The following KRT20 variants were observed in gnomAD, a reference collection of about 807,000 sequenced individuals.
KRT20 encodes the protein keratin, type I cytoskeletal 20.
Under a neutral mutation model 43.0 loss-of-function variants are expected in KRT20, and 41 were observed. That is an observed-to-expected ratio of 0.95 (90% CI 0.74 to 1.24). The LOEUF (loss-of-function observed/expected upper bound fraction) is 1.24, where lower values mean the gene tolerates loss of function less well. Ranked by LOEUF, KRT20 falls within the 50% of genes most tolerant of loss-of-function variation. The pLI is 0.00. For synonymous variants in KRT20, 207 were observed against 200.6 expected (o/e 1.03, Z -0.27); for missense variants, 533 against 521.2 (o/e 1.02, Z -0.22).
intron 2 of KRT20, among the ~76,000 whole-genome samples, chr17:40,881,423 T>C (rs1907592858): frequency 6.6e-6 from 1 of 152,068 alleles, no homozygotes. Context: ...TAATTTTTTT[T>C]GTATTTTTGT....
Position 40,880,611 on chromosome 17 carries a change from C to T in KRT20, c.630+3G>A. 1.2e-6 allele frequency: 2 copies of T among 1,611,850 alleles called. No individual in the cohort carries two copies. Among genetic ancestry groups the T allele is most frequent in the South Asian group, 1.1e-5 (1 of 90,920 alleles). On this transcript the variant is annotated splice_donor_region_variant and intron_variant, in intron 3 of 7. Transcript: ENST00000167588. ...CCAATACCACTTCTGAATATTTTCT[C>T]ACCTCCTGATGCTCCTTTTTGAGGA...
chr17:40,884,849 C>A lies in KRT20; in HGVS notation c.337G>T (p.Ala113Ser). ...KQWYETNAPR[A>S]GRDYSAYYRQ... Reference sequence around the variant, plus strand: ...TAATATGCACTGTAGTCGCGACCAGCCCTCGGGGCGTTGGTTTCGTACCAC... The same window carrying A: ...TAATATGCACTGTAGTCGCGACCAGACCTCGGGGCGTTGGTTTCGTACCAC... The change falls in exon 1 of 8, where the codon GCT (alanine) becomes TCT (serine). Residue 113 changes from alanine to serine, a missense_variant. Transcript: ENST00000167588. 6.2e-7 allele frequency: 1 copy of A among 1,614,202 alleles called. No homozygotes were observed.
In KRT20 at chr17:40,878,841, G is replaced by A. The variant is rs1046744966; in HGVS notation, c.919-476C>T. ...TTTTGGGACGGAGTCTTGCTCTGTC[G>A]CCCAGGCTGGAGTGCAGTAATGTGA... On this transcript the variant is annotated intron_variant, in intron 5 of 7. Coordinates refer to ENST00000167588, the MANE Select transcript of KRT20 (RefSeq NM_019010.3). Among the ~76,000 whole-genome samples the A allele has an allele frequency of 1.0e-4, 15 of 149,136 alleles. No individual in the cohort carries two copies. In the East Asian group the frequency reaches 2.8e-3, roughly 27 times the overall value.
intron 7 of KRT20, 104 bp from the exon 8 acceptor site, chr17:40,876,562 A>G: frequency 1.5e-6 from 1 of 670,338 alleles, no homozygotes; most frequent in Non-Finnish European, 2.4e-6. Context: ...TCCTTCTTTT[A>G]GAAAAATATG....
At chr17:40,876,525 TTTAAA>T in intron 7 of KRT20, 67 bp from the exon 8 acceptor site, 1 of 891,884 alleles carries the variant, frequency 1.1e-6, no homozygotes. Flanking sequence ...AATATTCAAC[TTTAAA>T]TTATTATTCT....
chr17:40,879,959 A>G (rs1907524157), intron 4 of KRT20, 21 bp from the exon 5 acceptor site: 2 of 1,607,712 alleles, frequency 1.2e-6, no homozygotes, highest in Non-Finnish European at 1.7e-6. Context: ...AAGAGTGAAA[A>G]AAAAATAGTT....
intron 2 of KRT20, 168 bp downstream of exon 2, chr17:40,882,404 G>A (rs1192791622): frequency 3.2e-6 from 1 of 313,326 alleles, no homozygotes; most frequent in Non-Finnish European, 6.1e-6. Context: ...CCATCCCTGA[G>A]TGCTGGGTTA....
chr17:40,877,525 A>G (rs1907401953), intron 6 of KRT20, 108 bp from the exon 7 acceptor site: 1 of 623,030 alleles, frequency 1.6e-6, no homozygotes, highest in South Asian at 2.5e-5. Context: ...GTCCAAGTGA[A>G]TGTGTTATTG....
Position 40,876,292 on chromosome 17 carries a change from A to G in KRT20, c.*69T>C. The G allele has an allele frequency of 1.0e-6, 1 of 979,026 alleles. No individual in the cohort carries two copies. Among genetic ancestry groups the G allele is most frequent in the East Asian group, 2.4e-5 (1 of 41,884 alleles). 60.6% of individuals were successfully genotyped at this position (979,026 alleles called of 1,614,324 possible). A position where few individuals can be genotyped will look rare whatever the true frequency, so the allele number is the denominator to read the frequency against. On this transcript the variant is annotated 3_prime_UTR_variant, in exon 8 of 8. Transcript: ENST00000167588. Reference sequence around the variant, plus strand: ...TGCTTTCTTATGGCTGATTTCTTGCAGGGAGCAAAGATAAGATTATAGCCA... The same window carrying G: ...TGCTTTCTTATGGCTGATTTCTTGCGGGGAGCAAAGATAAGATTATAGCCA...
chr17:40,880,521 T>C, intron 3 of KRT20, 93 bp downstream of exon 3: 2 of 1,101,844 alleles, frequency 1.8e-6, no homozygotes, highest in Admixed American at 2.1e-5. Context: ...CACCAACTCT[T>C]CCCCCTTCTC....
At chr17:40,878,949 A>T (rs1462555979) in intron 5 of KRT20, among the ~76,000 whole-genome samples, 1 of 151,954 alleles carries the variant, frequency 6.6e-6, no homozygotes, top group Middle Eastern at 3.2e-3. Flanking sequence ...TTACAGGCAC[A>T]CACCACCATG....
chr17:40,885,159 G>C lies in KRT20; in HGVS notation c.27C>G (p.His9Gln), dbSNP rs1457573344. The change falls in exon 1 of 8, where the codon CAC becomes CAG. Residue 9 changes from histidine to glutamine, a missense_variant. Coordinates refer to ENST00000167588, the MANE Select transcript of KRT20 (RefSeq NM_019010.3). MDFSRRSF[H>Q]RSLSSSLQAP... is the part of the protein sequence containing the mutation. ...CCTGCAAGGAGGAGCTCAGGCTTCT[G>C]TGGAAGCTTCTGCGACTGAAATCCA... 6.2e-7 allele frequency: 1 copy of C among 1,605,656 alleles called. No homozygotes were observed.
rs746824798 is a variant in KRT20 at position 40,880,157 on chromosome 17, C to T, written c.735G>A (p.Lys245=). Reference sequence around the variant, plus strand: ...GGTTCTTCTGGGCCATGACTTCATACTTCTGCCTCATTTCATTCATGATGA... The same window carrying T: ...GGTTCTTCTGGGCCATGACTTCATATTTCTGCCTCATTTCATTCATGATGA... ...LGVIMNEMRQ[K]YEVMAQKNLQ... Residue 245 remains lysine, a synonymous_variant, in exon 4 of 8, where the codon AAG becomes AAA. Coordinates refer to ENST00000167588, the MANE Select transcript of KRT20 (RefSeq NM_019010.3). The T allele has an allele frequency of 5.0e-6, 8 of 1,614,206 alleles. No individual in the cohort carries two copies. Among genetic ancestry groups the T allele is most frequent in the South Asian group, 2.2e-5 (2 of 91,076 alleles).
In KRT20 at chr17:40,880,668, A is replaced by C; in HGVS notation, c.576T>G (p.Ile192Met). ...GGTCTTTATTCAGTTCTTCAATTTG[A>C]ATCTCCAAATCTGTTTTATGTAGGG... ...DLTLHKTDLE[I>M]QIEELNKDLA... The change falls in exon 3 of 8, where the codon ATT (isoleucine) becomes ATG (methionine). Residue 192 changes from isoleucine (I) to methionine (M), a missense_variant. Transcript: ENST00000167588. The C allele has an allele frequency of 6.2e-7, 1 of 1,612,628 alleles. No individual in the cohort carries two copies. Among genetic ancestry groups the C allele is most frequent in the Non-Finnish European group, 8.5e-7 (1 of 1,179,526 alleles).
chr17:40,880,090 G>A lies in KRT20; in HGVS notation c.792+10C>T, dbSNP rs1907530131. Reference sequence around the variant, plus strand: ...ACACGTTTGCTCACCCTTTAGAATTGTGTGGTTACCTGTCTCTCAAACTGT... The same window carrying A: ...ACACGTTTGCTCACCCTTTAGAATTATGTGGTTACCTGTCTCTCAAACTGT... On this transcript the variant is annotated intron_variant, in intron 4 of 7. Transcript: ENST00000167588. 1 of 1,609,818 alleles carries A rather than the reference G, an allele frequency of 6.2e-7. No individual in the cohort carries two copies.
At chr17:40,881,137 C>T (rs749977686) in intron 2 of KRT20, among the ~76,000 whole-genome samples, 2 of 151,844 alleles carry the variant, frequency 1.3e-5, no homozygotes, top group African/African-American at 2.4e-5. Context: ...TGTACATGAT[C>T]GATTTATTTT....
intron 2 of KRT20, 120 bp from the exon 3 acceptor site, chr17:40,880,890 T>C: frequency 1.5e-6 from 1 of 645,168 alleles, no homozygotes; most frequent in Non-Finnish European, 2.4e-6. Flanking sequence ...TTCAATACTT[T>C]ATAATGTCTG....
chr17:40,879,450 A>G (rs1232119057), intron 5 of KRT20, among the ~76,000 whole-genome samples: 1 of 152,196 alleles, frequency 6.6e-6, no homozygotes, highest in Non-Finnish European at 1.5e-5. Context: ...ACCAATGGGT[A>G]TTAGGTTTAA....
At chr17:40,878,084 G>T in intron 6 of KRT20, 61 bp downstream of exon 6, 1 of 1,335,838 alleles carries the variant, frequency 7.5e-7, no homozygotes, top group Non-Finnish European at 1.1e-6. Flanking sequence ...GAGTGACAGG[G>T]ACATTAAAAT....
Sources: allele counts gnomAD v4.1 joint callset (sites outside exome capture counted in the v4.1 genomes callset), GRCh38; gene constraint gnomAD v4.1.1; transcripts MANE v1.5; gene names NCBI Gene and HGNC (gene_info 2026-07-23, HGNC 2026-07-21).